The following ARK2C variants were observed in gnomAD, a reference collection of about 807,000 sequenced individuals.
ARK2C encodes the protein E3 ubiquitin-protein ligase ARK2C.
the ARK2C span, among the ~76,000 whole-genome samples, chr18:46,437,612 C>T: frequency 6.6e-6 from 1 of 152,176 alleles, no homozygotes. Flanking sequence ...ATATCTTAAC[C>T]CAACCCAAGC....
chr18:46,366,458 C>G, the ARK2C span, among the ~76,000 whole-genome samples: 3 of 152,286 alleles, frequency 2.0e-5, no homozygotes, highest in Admixed American at 1.3e-4. Context: ...TCTCATTCTC[C>G]CAAATACTGC....
the ARK2C span, among the ~76,000 whole-genome samples, chr18:46,354,787 C>G: frequency 6.6e-6 from 1 of 152,178 alleles, no homozygotes; most frequent in Non-Finnish European, 1.5e-5. Context: ...CCTTTTAGGG[C>G]TGCTGACATT....
chr18:46,433,560 A>T, the ARK2C span: 1 of 1,461,404 alleles, frequency 6.8e-7, no homozygotes. Context: ...GTGAGGGGGC[A>T]GGGCCAGGGC....
At chr18:46,447,487 C>A in the ARK2C span, 1 of 1,545,280 alleles carries the variant, frequency 6.5e-7, no homozygotes, top group Admixed American at 1.7e-5. Flanking sequence ...ACTCCATAGG[C>A]TTGATGTCTG....
the ARK2C span, among the ~76,000 whole-genome samples, chr18:46,383,610 A>G: frequency 2.8e-5 from 4 of 140,988 alleles, no homozygotes; most frequent in African/African-American, 8.1e-5. Context: ...ATTGGAGTAC[A>G]GTGGTGCGAT....
At chr18:46,393,731 A>C in the ARK2C span, among the ~76,000 whole-genome samples, 51 of 152,290 alleles carry the variant, frequency 3.3e-4, no homozygotes, top group African/African-American at 1.2e-3. Context: ...GCTACTCTGC[A>C]GGCCAGTGGG....
chr18:46,341,088 T>C, the ARK2C span, among the ~76,000 whole-genome samples: 1 of 152,188 alleles, frequency 6.6e-6, no homozygotes, highest in Non-Finnish European at 1.5e-5. Flanking sequence ...GGGATCATTG[T>C]CCTGTCTTTG....
chr18:46,343,221 C>G, the ARK2C span, among the ~76,000 whole-genome samples: 1 of 152,282 alleles, frequency 6.6e-6, no homozygotes, highest in African/African-American at 2.4e-5. Context: ...CACCAGCAGC[C>G]CCTTCCATCG....
chr18:46,393,720 G>A, the ARK2C span, among the ~76,000 whole-genome samples: 1 of 152,170 alleles, frequency 6.6e-6, no homozygotes, highest in African/African-American at 2.4e-5. Context: ...CAGGGACATT[G>A]GCTACTCTGC....
chr18:46,407,399 T>C, the ARK2C span, among the ~76,000 whole-genome samples: 1 of 152,218 alleles, frequency 6.6e-6, no homozygotes, highest in African/African-American at 2.4e-5. Flanking sequence ...ATGTTTTCTC[T>C]TTCTTTGTGA....
the ARK2C span, among the ~76,000 whole-genome samples, chr18:46,429,076 C>T: frequency 4.6e-5 from 7 of 152,272 alleles, no homozygotes; most frequent in Middle Eastern, 6.8e-3. Context: ...GAAGGGGGTC[C>T]GGTGCCGCTT....
chr18:46,414,748 G>C, the ARK2C span, among the ~76,000 whole-genome samples: 3 of 152,152 alleles, frequency 2.0e-5, no homozygotes, highest in Non-Finnish European at 2.9e-5. Context: ...TGGAATCCTG[G>C]TCCTCAGGTC....
At chr18:46,450,489 A>T in the ARK2C span, 1 of 1,022,504 alleles carries the variant, frequency 9.8e-7, no homozygotes, top group Admixed American at 1.8e-5. Flanking sequence ...GCTGGTGAGT[A>T]GGGTATGGGT....
At chr18:46,425,176 ACCTGAGAGCTGG>A in the ARK2C span, among the ~76,000 whole-genome samples, 1 of 152,074 alleles carries the variant, frequency 6.6e-6, no homozygotes, top group East Asian at 1.9e-4. Flanking sequence ...GAAACCTGAC[ACCTGAGAGCTGG>A]CCTGAGGAGG....
the ARK2C span, among the ~76,000 whole-genome samples, chr18:46,452,235 G>A: frequency 6.6e-6 from 1 of 152,182 alleles, no homozygotes; most frequent in African/African-American, 2.4e-5. Context: ...GAAACTCTGT[G>A]TTGGGAGTAT....
the ARK2C span, among the ~76,000 whole-genome samples, chr18:46,410,644 C>G: frequency 1.3e-5 from 2 of 152,210 alleles, no homozygotes; most frequent in African/African-American, 4.8e-5. Context: ...AATCTATCAC[C>G]AATAATTGTC....
the ARK2C span, among the ~76,000 whole-genome samples, chr18:46,430,721 C>T: frequency 6.6e-6 from 1 of 152,146 alleles, no homozygotes; most frequent in Non-Finnish European, 1.5e-5. Flanking sequence ...AATTTCATTT[C>T]ACCTCGTACA....
At chr18:46,421,076 T>C in the ARK2C span, among the ~76,000 whole-genome samples, 5 of 152,362 alleles carry the variant, frequency 3.3e-5, no homozygotes. Flanking sequence ...AAATTGCTTC[T>C]TCTTCTGTTA....
chr18:46,390,524 A>AT, the ARK2C span, among the ~76,000 whole-genome samples: 3 of 151,934 alleles, frequency 2.0e-5, no homozygotes, highest in Admixed American at 6.5e-5. Context: ...TATTCTATCT[A>AT]TTTTCAGTGG....
Sources: gnomAD v4.1 joint callset for allele counts (sites outside exome capture counted in the v4.1 genomes callset) on GRCh38, gnomAD v4.1.1 for gene constraint, MANE v1.5 for transcripts, NCBI Gene and HGNC (gene_info 2026-07-23, HGNC 2026-07-21) for gene names.